KLK14: variants seen among roughly 807,000 people sequenced by gnomAD.
KLK14 encodes the protein kallikrein-14.
A neutral mutation model predicts 24.6 loss-of-function variants in KLK14; 21 were observed. That is an observed-to-expected ratio of 0.85 (90% confidence interval 0.61 to 1.23). The LOEUF is 1.23. KLK14 is among the 50% of genes most tolerant of loss of function. KLK14 has a pLI of 0.00. For missense variants in KLK14, 320 were observed against 338.9 expected (o/e 0.94, Z 0.44); for synonymous variants, 133 against 139.7 (o/e 0.95, Z 0.34).
intron 3 of KLK14, among the ~76,000 whole-genome samples, chr19:51,080,718 G>C (rs1210182934): frequency 1.3e-5 from 2 of 152,172 alleles, no homozygotes; most frequent in Non-Finnish European, 2.9e-5. Flanking sequence ...TTGTTGCCTA[G>C]CCTGGAGTGC....
rs1484796503 is a variant in KLK14, at chr19:51,082,765, G to A, written c.-66C>T. 1 of 1,612,740 alleles carries A rather than the reference G, an allele frequency of 6.2e-7. No homozygotes were observed. The highest frequency in any genetic ancestry group is 8.5e-7 in the Non-Finnish European group (1 of 1,179,554). ...AGGGACATGAAGACACAGCAGAGAG[G>A]TAGGGACCAGAGACGAGGGGGGCGG... On this transcript the variant is annotated 5_prime_UTR_variant, in exon 1 of 6. Coordinates refer to ENST00000650543, the MANE Select transcript of KLK14 (RefSeq NM_001369775.2).
chr19:51,079,942 GGAA>G (rs374212842), intron 3 of KLK14, among the ~76,000 whole-genome samples: 64 of 152,308 alleles, frequency 4.2e-4, no homozygotes, highest in African/African-American at 1.3e-3. Flanking sequence ...TCCTGGCTTG[GGAA>G]GAAGGTGATG....
At chr19:51,082,161 ACCCATGCCACGATCCCGCCAC>A (rs1293260619) in intron 2 of KLK14, among the ~76,000 whole-genome samples, 6 of 147,614 alleles carry the variant, frequency 4.1e-5, no homozygotes, top group South Asian at 2.1e-4. Context: ...CACCTCACAC[ACCCATGCCACGATCCCGCCAC>A]CCCATGCCAC....
chr19:51,079,782 CCGGGTGACGAGT>C lies in KLK14; in HGVS notation c.213-92_213-81del, dbSNP rs2091828326. 4 of 1,482,478 alleles carry C rather than the reference CCGGGTGACGAGT, an allele frequency of 2.7e-6. No individual in the cohort carries two copies. The African/African-American group carries it at 5.6e-5, about 21-fold the overall frequency. 91.8% of individuals were successfully genotyped at this position (1,482,478 alleles called of 1,614,324 possible). ...CCCACCCTCCAGCCCGGTTCCCTGG[CCGGGTGACGAGT>C]CTTCCCCGAGGTCTAGCCTGCTTCT... On this transcript the variant is annotated intron_variant, in intron 3 of 5. Coordinates refer to ENST00000650543, the MANE Select transcript of KLK14 (RefSeq NM_001369775.2).
rs543609584 is a variant in KLK14 at position 51,082,752 on chromosome 19, A to G, written c.-53T>C. On this transcript the variant is annotated 5_prime_UTR_variant, in exon 1 of 6. Transcript: ENST00000650543. ...GCCCAAGACCCTCAGGGACATGAAG[A>G]CACAGCAGAGAGGTAGGGACCAGAG... is the stretch of plus-strand genomic sequence containing the variant. 7.4e-6 allele frequency: 12 copies of G among 1,613,648 alleles called. No homozygotes were observed. The highest frequency in any genetic ancestry group is 2.7e-5 in the African/African-American group (2 of 75,018).
Position 51,079,701 on chromosome 19 carries a change from T to A in KLK14, c.214A>T (p.Ile72Phe). The A allele has an allele frequency of 6.4e-7, 1 of 1,553,070 alleles. No homozygotes were observed. The highest frequency in any genetic ancestry group is 8.7e-7 in the Non-Finnish European group (1 of 1,149,626). The part of the protein sequence containing the change: ...VITAAHCGRP[I>F]LQVALGKHNL... ...TGCTTGCCCAGGGCAACCTGAAGGA[T>A]CCTGGCCACGACCCCCAAGAGAAGC... Residue 72 changes from isoleucine to phenylalanine, a missense_variant and splice_region_variant, in exon 4 of 6, where the codon ATC (isoleucine) becomes TTC (phenylalanine). Physicochemically the swap from Ile to Phe is conservative, Grantham distance 21. Transcript: ENST00000650543.
chr19:51,081,640 G>A lies in KLK14; in HGVS notation c.104C>T (p.Ser35Phe). 1 of 1,552,304 alleles carries A rather than the reference G, an allele frequency of 6.4e-7. No individual in the cohort carries two copies. The highest frequency in any genetic ancestry group is 1.4e-5 in the African/African-American group (1 of 73,212). The change falls in exon 3 of 6, where the codon TCC (serine) becomes TTC (phenylalanine). Residue 35 changes from serine to phenylalanine, a missense_variant. Physicochemically the swap from Ser to Phe is radical, Grantham distance 155 (BLOSUM62 -2). Coordinates refer to ENST00000650543, the MANE Select transcript of KLK14 (RefSeq NM_001369775.2). ...CAGCAGGGCCGCCTGCCACGGCTGG[G>A]AGCTCCGGGTGCACGTATGGCCACC... ...IIGGHTCTRSSQPWQAALLAG... is the reference protein window; with the variant it reads ...IIGGHTCTRSFQPWQAALLAG...
rs1469565970 is a variant in KLK14, at chr19:51,081,674, T to C, written c.70A>G (p.Lys24Glu). 1.9e-6 allele frequency: 3 copies of C among 1,551,854 alleles called. No homozygotes were observed. The South Asian group carries it at 3.6e-5, about 18-fold the overall frequency. ...AMTQSQEDEN[K>E]IIGGHTCTRS... ...GTGCACGTATGGCCACCAATTATCTTGTTCTCATCCTCTTGGCTCTGTGTC... is the reference window on the plus strand; with the variant it reads ...GTGCACGTATGGCCACCAATTATCTCGTTCTCATCCTCTTGGCTCTGTGTC... Residue 24 changes from lysine (K) to glutamate (E), a missense_variant, in exon 3 of 6, where the codon AAG (lysine) becomes GAG (glutamate). Coordinates refer to ENST00000650543, the MANE Select transcript of KLK14 (RefSeq NM_001369775.2).
rs752399836 is a variant in KLK14 at position 51,078,126 on chromosome 19, G to C, written c.637C>G (p.Gln213Glu). The part of the protein sequence containing the change: ...DSGGPLVCRG[Q>E]LQGLVSWGME... ...CCCCAAGACACGAGGCCCTGGAGCTGTCCTCTGCACACCAGGGGTCCCCCA... is the reference window on the plus strand; with the variant it reads ...CCCCAAGACACGAGGCCCTGGAGCTCTCCTCTGCACACCAGGGGTCCCCCA... The change falls in exon 6 of 6, where the codon CAG becomes GAG. Residue 213 changes from glutamine to glutamate, a missense_variant. By Grantham distance (29) the Gln-to-Glu change is conservative. Transcript: ENST00000650543. This position sits in a 1 kb window ranked among gnomAD's most constrained non-coding sequence, Gnocchi z 5.0. 2 of 1,613,844 alleles carry C rather than the reference G, an allele frequency of 1.2e-6. No homozygotes were observed. The highest frequency in any genetic ancestry group is 8.5e-7 in the Non-Finnish European group (1 of 1,179,874).
chr19:51,081,846 T>TGAGAGA, intron 2 of KLK14, 143 bp from the exon 3 acceptor site: 1 of 730,490 alleles, frequency 1.4e-6, no homozygotes, highest in Admixed American at 3.4e-5. Context: ...CCACCCAGGG[T>TGAGAGA]GAGACATGCC....
At position 51,078,760 on chromosome 19, in the gene KLK14, TG is replaced by T; in HGVS notation, c.603+54del. 6.3e-7 allele frequency: 1 copy of T among 1,594,552 alleles called. No homozygotes were observed. The highest frequency in any genetic ancestry group is 8.5e-7 in the Non-Finnish European group (1 of 1,170,032). On this transcript the variant is annotated intron_variant, in intron 5 of 5. Coordinates refer to ENST00000650543, the MANE Select transcript of KLK14 (RefSeq NM_001369775.2). This position sits in a 1 kb window ranked among gnomAD's most constrained non-coding sequence, Gnocchi z 5.0. ...AGACTTCCATGCTCCTGACATCATT[TG>T]CTTAAATCCCAGTCCCAAATAATCC...
chr19:51,079,591 G>C lies in KLK14; in HGVS notation c.324C>G (p.His108Gln). 2 of 1,613,868 alleles carry C rather than the reference G, an allele frequency of 1.2e-6. No individual in the cohort carries two copies. The highest frequency in any genetic ancestry group is 1.1e-5 in the South Asian group (1 of 91,030). ...VTHPNYNSRT[H>Q]DNDLMLLQLQ... The stretch of plus-strand genomic sequence containing the variant: ...GCTGCAGCAGCATGAGGTCGTTGTC[G>C]TGGGTCCGGGAGTTGTAGTTGGGGT... The change falls in exon 4 of 6, where the codon CAC becomes CAG. Residue 108 changes from histidine to glutamine, a missense_variant. Transcript: ENST00000650543.
Position 51,082,810 on chromosome 19 carries a change from C to A in KLK14, c.-111G>T, listed in dbSNP as rs1419855575. On this transcript the variant is annotated 5_prime_UTR_variant, in exon 1 of 6. Coordinates refer to ENST00000650543, the MANE Select transcript of KLK14 (RefSeq NM_001369775.2). ...GGGCGGGGCCTGCAGGCTCTGCGGG[C>A]GGCAGGTGGGAGGATGTGGAGCAGG... 1.3e-5 allele frequency: 21 copies of A among 1,584,514 alleles called. No homozygotes were observed. The highest frequency in any genetic ancestry group is 1.8e-5 in the Non-Finnish European group (21 of 1,163,806).
chr19:51,082,806 C>CG lies in KLK14; in HGVS notation c.-108dup. 1.9e-6 allele frequency: 3 copies of CG among 1,589,634 alleles called. No individual in the cohort carries two copies. The highest frequency in any genetic ancestry group is 2.6e-6 in the Non-Finnish European group (3 of 1,167,072). On this transcript the variant is annotated 5_prime_UTR_variant, in exon 1 of 6. Coordinates refer to ENST00000650543, the MANE Select transcript of KLK14 (RefSeq NM_001369775.2). ...AGGGGGGCGGGGCCTGCAGGCTCTG[C>CG]GGGCGGCAGGTGGGAGGATGTGGAG...
intron 3 of KLK14, among the ~76,000 whole-genome samples, chr19:51,080,380 T>TCTG (rs1326715928): frequency 6.6e-6 from 1 of 152,100 alleles, no homozygotes; most frequent in Non-Finnish European, 1.5e-5. Context: ...GGCTCTTGGT[T>TCTG]CTGGACTCTG....
chr19:51,082,809 G>A lies in KLK14; in HGVS notation c.-110C>T. On this transcript the variant is annotated 5_prime_UTR_variant, in exon 1 of 6. Coordinates refer to ENST00000650543, the MANE Select transcript of KLK14 (RefSeq NM_001369775.2). The stretch of plus-strand genomic sequence containing the variant: ...GGGGCGGGGCCTGCAGGCTCTGCGG[G>A]CGGCAGGTGGGAGGATGTGGAGCAG... 1.3e-6 allele frequency: 2 copies of A among 1,584,532 alleles called. No individual in the cohort carries two copies. The highest frequency in any genetic ancestry group is 1.7e-6 in the Non-Finnish European group (2 of 1,163,472).
intron 3 of KLK14, among the ~76,000 whole-genome samples, chr19:51,080,416 G>A (rs1301076741): frequency 6.6e-6 from 1 of 152,154 alleles, no homozygotes; most frequent in Non-Finnish European, 1.5e-5. Flanking sequence ...CTCAGGTTGG[G>A]CTCTGGGTTC....
chr19:51,081,782 T>C, intron 2 of KLK14, 79 bp from the exon 3 acceptor site: 3 of 1,320,566 alleles, frequency 2.3e-6, no homozygotes, highest in South Asian at 3.1e-5. Context: ...ATTCCAAAAC[T>C]GACAAATCCC....
intron 3 of KLK14, among the ~76,000 whole-genome samples, chr19:51,081,308 GGTTCCAAGCT>G (rs369610426): frequency 2.1e-4 from 32 of 152,318 alleles, no homozygotes; most frequent in African/African-American, 7.5e-4. Flanking sequence ...CAGGTCCATG[GGTTCCAAGCT>G]GCCCATCTGC....
Sources: allele counts gnomAD v4.1 joint callset (sites outside exome capture counted in the v4.1 genomes callset), GRCh38; gene constraint gnomAD v4.1.1; non-coding constraint Gnocchi (gnomAD v3.1); transcripts MANE v1.5; gene names NCBI Gene and HGNC (gene_info 2026-07-23, HGNC 2026-07-21).